The following KIF23 variants were observed in gnomAD, a reference collection of about 807,000 sequenced individuals.
The protein encoded by KIF23 is kinesin-like protein KIF23.
A neutral mutation model predicts 137.5 loss-of-function variants in KIF23; 30 were observed. That is an observed-to-expected ratio of 0.22 (90% CI 0.16 to 0.30). The LOEUF is 0.30. KIF23 is among the 10% of genes least tolerant of loss of function. KIF23 has a pLI of 1.00. For missense variants in KIF23, 920 were observed against 1,194.3 expected (o/e 0.77, Z 3.38); for synonymous variants, 367 against 391.1 (o/e 0.94, Z 0.73).
chr15:69,421,518 A>C (rs1233353188), intron 3 of KIF23, 129 bp from the exon 4 acceptor site: 4 of 602,794 alleles, frequency 6.6e-6, no homozygotes, highest in Non-Finnish European at 3.0e-6. Context: ...AACTGTAAAA[A>C]GACCATTTAT....
Position 69,448,027 on chromosome 15 carries a change from TTAATA to T in KIF23, c.*222_*226del. 5.4e-6 allele frequency: 2 copies of T among 369,812 alleles called. No homozygotes were observed. The highest frequency in any genetic ancestry group is 9.0e-5 in the Admixed American group (2 of 22,110). The allele number at this position is 369,812 out of a possible 1,614,324, so 22.9% of individuals were successfully genotyped here. On this transcript the variant is annotated 3_prime_UTR_variant, in exon 24 of 24. Transcript: ENST00000679126. ...TTGTATAGTATATGTTTTGCCATAT[TTAATA>T]TTAATAGCAGAGGAAGACTCCTTTT...
intron 1 of KIF23, chr15:69,414,928 T>A (rs1198531967): frequency 6.2e-6 from 1 of 161,540 alleles, no homozygotes; most frequent in Non-Finnish European, 1.3e-5. Flanking sequence ...TTAGATGGGC[T>A]CCGTTTCTGG....
At chr15:69,435,327 A>G (rs1030486452) in intron 11 of KIF23, among the ~76,000 whole-genome samples, 156 bp from the exon 12 acceptor site, 1 of 152,150 alleles carries the variant, frequency 6.6e-6, no homozygotes, top group Non-Finnish European at 1.5e-5. Context: ...AGCCTGGACC[A>G]TGCATAGACA....
chr15:69,437,759 C>G (rs900419812), intron 15 of KIF23, among the ~76,000 whole-genome samples: 1 of 151,720 alleles, frequency 6.6e-6, no homozygotes, highest in Non-Finnish European at 1.5e-5. Context: ...ATGCCTGGCT[C>G]TACTATTTTT....
intron 8 of KIF23, 136 bp from the exon 9 acceptor site, chr15:69,425,934 A>C (rs1007461606): frequency 1.5e-5 from 3 of 205,314 alleles, no homozygotes; most frequent in African/African-American, 7.0e-5. Context: ...TATACGTTAT[A>C]TATATATTAT....
chr15:69,414,535 T>TGGGGGAAGGCGTCTCCACTCA, intron 1 of KIF23, 59 bp downstream of exon 1: 1 of 1,498,594 alleles, frequency 6.7e-7, no homozygotes, highest in African/African-American at 1.4e-5. Flanking sequence ...GCCTCGGGGC[T>TGGGGGAAGGCGTCTCCACTCA]GGGGGCAGGC....
chr15:69,414,943 C>T lies in KIF23; in HGVS notation c.11+467C>T, dbSNP rs188305599. Reference sequence around the variant, plus strand: ...TTAGATGGGCTCCGTTTCTGGAGAGCCCTGGCACCGGTGATCGCCGCTAGC... The same window carrying T: ...TTAGATGGGCTCCGTTTCTGGAGAGTCCTGGCACCGGTGATCGCCGCTAGC... On this transcript the variant is annotated intron_variant, in intron 1 of 23. Transcript: ENST00000679126. 2.1e-3 allele frequency: 335 copies of T among 158,982 alleles called. 2 individuals are homozygous for T. Among genetic ancestry groups the T allele is most frequent in the African/African-American group, 7.7e-3 (321 of 41,870 alleles). The allele number at this position is 158,982 out of a possible 1,614,324, so 9.8% of individuals were successfully genotyped here.
Position 69,439,988 on chromosome 15 carries a change from C to T in KIF23, c.1840C>T (p.Leu614Phe). 1 of 1,614,034 alleles carries T rather than the reference C, an allele frequency of 6.2e-7. No homozygotes were observed. Among genetic ancestry groups the T allele is most frequent in the South Asian group, 1.1e-5 (1 of 91,078 alleles). Residue 614 changes from leucine (L) to phenylalanine (F), a missense_variant, in exon 17 of 24, where the codon CTT becomes TTT. Physicochemically the swap from Leu to Phe is conservative, Grantham distance 22. Around this residue, in one of 4 missense-constraint regions of KIF23, gnomAD observed 714 missense variants for 866.2 expected, o/e 0.82. Coordinates refer to ENST00000679126, the MANE Select transcript of KIF23 (RefSeq NM_001367805.3). ...QQELETQNQK[L>F]QRQFSDKRRL... is the part of the protein sequence containing the mutation. Reference sequence around the variant, plus strand: ...GGAACTTGAAACTCAGAACCAGAAACTTCAGCGACAGTTTTCTGACAAACG... The same window carrying T: ...GGAACTTGAAACTCAGAACCAGAAATTTCAGCGACAGTTTTCTGACAAACG...
intron 11 of KIF23, among the ~76,000 whole-genome samples, chr15:69,432,495 C>G (rs2057379032): frequency 6.6e-6 from 1 of 151,772 alleles, no homozygotes; most frequent in Non-Finnish European, 1.5e-5. Context: ...CTCTGTTTAC[C>G]ATACTTGTAG....
chr15:69,429,080 T>G, intron 10 of KIF23, 31 bp from the exon 11 acceptor site: 1 of 1,458,356 alleles, frequency 6.9e-7, no homozygotes, highest in African/African-American at 1.4e-5. Flanking sequence ...TTATAACCCA[T>G]TTTAAGTTAT....
chr15:69,434,775 G>T, intron 11 of KIF23: 1 of 1,125,758 alleles, frequency 8.9e-7, no homozygotes, highest in Non-Finnish European at 1.3e-6. Context: ...AAAGCTCTTG[G>T]CCAGAGTCCA....
Position 69,417,460 on chromosome 15 carries a change from G to A in KIF23, c.159G>A (p.Gln53=). The change falls in exon 3 of 24, where the codon CAG becomes CAA. Residue 53 remains glutamine (Q), a synonymous_variant. Coordinates refer to ENST00000679126, the MANE Select transcript of KIF23 (RefSeq NM_001367805.3). The part of the protein sequence containing the change: ...CIEVINNTTV[Q]LHTPEGYRLN... ...AAGTGATCAATAATACAACTGTTCAGCTTCATACTCCTGAGGGCTACAGAC... is the reference window on the plus strand; with the variant it reads ...AAGTGATCAATAATACAACTGTTCAACTTCATACTCCTGAGGGCTACAGAC... 6.2e-7 allele frequency: 1 copy of A among 1,613,884 alleles called. No individual in the cohort carries two copies. Among genetic ancestry groups the A allele is most frequent in the Non-Finnish European group, 8.5e-7 (1 of 1,179,876 alleles).
intron 16 of KIF23, among the ~76,000 whole-genome samples, chr15:69,439,173 GA>G (rs1257181968): frequency 6.6e-6 from 1 of 152,088 alleles, no homozygotes; most frequent in Admixed American, 6.6e-5. Context: ...TGAGTGAAAT[GA>G]AGAATCATAT....
intron 10 of KIF23, chr15:69,427,583 A>G (rs1290480223): frequency 3.8e-5 from 15 of 396,316 alleles, no homozygotes; most frequent in East Asian, 7.1e-5. Context: ...GGCTAGTGTT[A>G]TAAGTTGTTC....
chr15:69,446,747 A>G lies in KIF23; in HGVS notation c.2839-124A>G, dbSNP rs1567083478. On this transcript the variant is annotated intron_variant, in intron 22 of 23. Transcript: ENST00000679126. The stretch of plus-strand genomic sequence containing the variant: ...TTACGAGTGACTGGTGTTTTAACGT[A>G]AGAGTCTTTGCTGAACTAGAAAGCA... The G allele has an allele frequency of 3.4e-6, 3 of 874,804 alleles. No individual in the cohort carries two copies. The Admixed American group carries it at 5.5e-5, about 16-fold the overall frequency. 54.2% of individuals were successfully genotyped at this position (874,804 alleles called of 1,614,324 possible). A position where few individuals can be genotyped will look rare whatever the true frequency, so the allele number is the denominator to read the frequency against.
Position 69,422,038 on chromosome 15 carries a change from A to G in KIF23, c.363A>G (p.Thr121=). The G allele has an allele frequency of 6.2e-7, 1 of 1,614,118 alleles. No individual in the cohort carries two copies. The highest frequency in any genetic ancestry group is 1.7e-5 in the Admixed American group (1 of 60,026). Residue 121 remains threonine, a synonymous_variant, in exon 5 of 24, where the codon ACA becomes ACG. Coordinates refer to ENST00000679126, the MANE Select transcript of KIF23 (RefSeq NM_001367805.3). ...YGVTGSGKTH[T]MTGSPGEGGL... is the part of the protein sequence containing the mutation. The stretch of plus-strand genomic sequence containing the variant: ...TGACGGGAAGTGGAAAAACTCACAC[A>G]ATGACTGGTTCTCCAGGGGAAGGAG...
At chr15:69,417,691 G>A (rs1229096902) in intron 3 of KIF23, among the ~76,000 whole-genome samples, 180 bp downstream of exon 3, 1 of 152,180 alleles carries the variant, frequency 6.6e-6, no homozygotes, top group African/African-American at 2.4e-5. Context: ...CATACCTTTG[G>A]TATGCTGGGG....
chr15:69,420,482 T>C (rs1002975877), intron 3 of KIF23, among the ~76,000 whole-genome samples: 1 of 152,224 alleles, frequency 6.6e-6, no homozygotes, highest in South Asian at 2.1e-4. Flanking sequence ...ACTCTAAAGC[T>C]GATTTTTACA....
At position 69,422,927 on chromosome 15, in the gene KIF23, A is replaced by G; in HGVS notation, c.564-232A>G. 3.0e-5 allele frequency: 11 copies of G among 362,012 alleles called. No individual in the cohort carries two copies. In the South Asian group the frequency reaches 3.2e-4, roughly 11 times the overall value. The allele number at this position is 362,012 out of a possible 1,614,324, so 22.4% of individuals were successfully genotyped here. ...ACGATCCTCCTGCCTCAGCCCCCCT[A>G]GTAGCTGGGATTAGAGGCACACGCC... On this transcript the variant is annotated intron_variant, in intron 6 of 23. Coordinates refer to ENST00000679126, the MANE Select transcript of KIF23 (RefSeq NM_001367805.3).
Sources: gnomAD v4.1 joint callset for allele counts (sites outside exome capture counted in the v4.1 genomes callset) on GRCh38, gnomAD v4.1.1 for gene constraint, gnomAD v4.1.1 regional missense constraint, MANE v1.5 for transcripts, NCBI Gene and HGNC (gene_info 2026-07-23, HGNC 2026-07-21) for gene names.